Variants in MAN1A2 observed in about 807,000 individuals in gnomAD.
MAN1A2 encodes mannosidase alpha class 1A member 2.
In MAN1A2, 26 loss-of-function variants were observed where a neutral mutation model predicts 75.7. The ratio of observed to expected loss-of-function variants is 0.34; its 90% CI spans 0.25 to 0.48. MAN1A2 has a LOEUF of 0.48. Among genes scored for constraint, MAN1A2 ranks in the 20% least tolerant of loss-of-function variants. MAN1A2 has a pLI of 0.99. For missense variants in MAN1A2, 562 were observed against 775.5 expected (o/e 0.72, Z 3.27); for synonymous variants, 247 against 264.6 (o/e 0.93, Z 0.65).
chr1:117,407,419 C>T (rs904877887), intron 3 of MAN1A2, among the ~76,000 whole-genome samples: 1 of 151,610 alleles, frequency 6.6e-6, no homozygotes, highest in African/African-American at 2.4e-5. Flanking sequence ...CAGTAAAAGT[C>T]TAAGAGAAGC....
intron 1 of MAN1A2, among the ~76,000 whole-genome samples, chr1:117,370,497 A>G (rs1409454439): frequency 6.6e-6 from 1 of 152,172 alleles, no homozygotes; most frequent in Non-Finnish European, 1.5e-5. Flanking sequence ...GTTGTTTACT[A>G]TATCAGAAAA....
chr1:117,440,459 A>C (rs1181471053), intron 5 of MAN1A2, among the ~76,000 whole-genome samples: 1 of 152,172 alleles, frequency 6.6e-6, no homozygotes, highest in Non-Finnish European at 1.5e-5. Flanking sequence ...ACTAATTTGC[A>C]GTTGCCTACC....
At chr1:117,371,849 G>A (rs1201372922) in intron 1 of MAN1A2, among the ~76,000 whole-genome samples, 1 of 151,330 alleles carries the variant, frequency 6.6e-6, no homozygotes, top group Non-Finnish European at 1.5e-5. Flanking sequence ...TAGAGGTTAT[G>A]GCAACATCCA....
At chr1:117,368,582 A>G in intron 1 of MAN1A2, 97 bp downstream of exon 1, 4 of 1,160,772 alleles carry the variant, frequency 3.4e-6, no homozygotes, top group Non-Finnish European at 3.7e-6. Flanking sequence ...AGTAAAATGT[A>G]ATTTTTCGAG....
intron 8 of MAN1A2, among the ~76,000 whole-genome samples, chr1:117,490,312 G>T (rs983514332): frequency 2.6e-5 from 4 of 151,768 alleles, no homozygotes; most frequent in Non-Finnish European, 2.9e-5. Flanking sequence ...TCACATTTTG[G>T]TAATTCTTGC....
chr1:117,518,842 A>T (rs916823181), intron 12 of MAN1A2, among the ~76,000 whole-genome samples: 2 of 152,130 alleles, frequency 1.3e-5, no homozygotes, highest in African/African-American at 4.8e-5. Context: ...TGGACTTAAC[A>T]GATATATGCA....
chr1:117,414,759 T>A lies in MAN1A2; in HGVS notation c.702T>A (p.Leu234=). The A allele has an allele frequency of 6.2e-7, 1 of 1,610,776 alleles. No homozygotes were observed. Among genetic ancestry groups the A allele is most frequent in the Non-Finnish European group, 8.5e-7 (1 of 1,177,608 alleles). ...GATIVDALDT[L]YIMGLHDEFL... Reference sequence around the variant, plus strand: ...CCATAGTAGATGCTTTGGATACCCTTTATATCATGGGACTTCATGATGAAT... The same window carrying A: ...CCATAGTAGATGCTTTGGATACCCTATATATCATGGGACTTCATGATGAAT... Residue 234 remains leucine, a synonymous_variant, in exon 4 of 13, where the codon CTT becomes CTA. Coordinates refer to ENST00000356554, the MANE Select transcript of MAN1A2 (RefSeq NM_006699.5).
rs745821357 is a variant in MAN1A2, at chr1:117,368,389, G to T, written c.206G>T (p.Gly69Val). ...TCAAAACACAAACGCTTTGATTTGG[G>T]TTTAGAAGATGTGTTAATTCCACAT... ...DSSKHKRFDL[G>V]LEDVLIPHVD... The change falls in exon 1 of 13, where the codon GGT becomes GTT. Residue 69 changes from glycine to valine, a missense_variant. Physicochemically the swap from Gly to Val is moderately radical, Grantham distance 109. Coordinates refer to ENST00000356554, the MANE Select transcript of MAN1A2 (RefSeq NM_006699.5). 1 of 1,614,100 alleles carries T rather than the reference G, an allele frequency of 6.2e-7. No individual in the cohort carries two copies. The highest frequency in any genetic ancestry group is 1.7e-5 in the Admixed American group (1 of 60,026).
At chr1:117,420,486 GA>G in intron 4 of MAN1A2, 82 bp from the exon 5 acceptor site, 2 of 996,136 alleles carry the variant, frequency 2.0e-6, no homozygotes, top group Admixed American at 4.1e-5. Context: ...GGGTGTTTGT[GA>G]AAAACAAATG....
intron 6 of MAN1A2, among the ~76,000 whole-genome samples, chr1:117,457,245 C>T (rs761931132): frequency 2.0e-5 from 3 of 152,054 alleles, no homozygotes; most frequent in South Asian, 2.1e-4. Flanking sequence ...GAGAAACATA[C>T]GTTTTGCTTG....
At chr1:117,489,119 A>T (rs1219376808) in intron 8 of MAN1A2, among the ~76,000 whole-genome samples, 1 of 152,108 alleles carries the variant, frequency 6.6e-6, no homozygotes, top group Non-Finnish European at 1.5e-5. Context: ...GCAGTCCTCC[A>T]TAGTACGTTT....
Position 117,525,128 on chromosome 1 carries a change from A to G in MAN1A2, c.*2171A>G, listed in dbSNP as rs770284140. 3.8e-6 allele frequency: 2 copies of G among 529,254 alleles called. No individual in the cohort carries two copies. The highest frequency in any genetic ancestry group is 7.7e-6 in the Non-Finnish European group (2 of 258,308). The allele number at this position is 529,254 out of a possible 1,614,324, so 32.8% of individuals were successfully genotyped here. On this transcript the variant is annotated 3_prime_UTR_variant, in exon 13 of 13. Coordinates refer to ENST00000356554, the MANE Select transcript of MAN1A2 (RefSeq NM_006699.5). ...ATGAGGAGACAGAACCCCTACTTCC[A>G]AGTGCTCTATTTGTATTACCCAGAT...
At chr1:117,414,619 C>T in intron 3 of MAN1A2, 94 bp from the exon 4 acceptor site, 1 of 656,728 alleles carries the variant, frequency 1.5e-6, no homozygotes, top group South Asian at 1.9e-5. Context: ...AATTAAAATA[C>T]ACTGAATGTG....
intron 1 of MAN1A2, among the ~76,000 whole-genome samples, chr1:117,397,211 G>A (rs1322219698): frequency 6.6e-6 from 1 of 152,022 alleles, no homozygotes; most frequent in African/African-American, 2.4e-5. Context: ...AATAGTGCTT[G>A]TTGAGGAACA....
At chr1:117,447,963 G>C (rs1223166843) in intron 6 of MAN1A2, among the ~76,000 whole-genome samples, 2 of 152,126 alleles carry the variant, frequency 1.3e-5, no homozygotes, top group African/African-American at 4.8e-5. Context: ...TGTGAAGAAT[G>C]TCAGTGATTT....
At chr1:117,382,266 G>A (rs1308080357) in intron 1 of MAN1A2, among the ~76,000 whole-genome samples, 1 of 152,214 alleles carries the variant, frequency 6.6e-6, no homozygotes, top group Non-Finnish European at 1.5e-5. Flanking sequence ...CCATGCCTAT[G>A]TCCTGAATGT....
chr1:117,460,373 A>G (rs1172164966), intron 6 of MAN1A2, 116 bp from the exon 7 acceptor site: 5 of 595,228 alleles, frequency 8.4e-6, no homozygotes, highest in Non-Finnish European at 1.4e-5. Context: ...TAAATAAGCT[A>G]TCGTGTCAGA....
At chr1:117,466,153 T>C (rs1233709305) in intron 7 of MAN1A2, among the ~76,000 whole-genome samples, 181 bp from the exon 8 acceptor site, 2 of 152,078 alleles carry the variant, frequency 1.3e-5, no homozygotes, top group African/African-American at 4.8e-5. Flanking sequence ...TATCATCTTA[T>C]AAAAATGAGT....
intron 12 of MAN1A2, 32 bp downstream of exon 12, chr1:117,503,002 A>G (rs781333284): frequency 2.7e-5 from 32 of 1,193,994 alleles, no homozygotes; most frequent in Non-Finnish European, 3.6e-5. Context: ...ATATTTTTAT[A>G]CTAGACTGGT....
Sources: gnomAD v4.1 joint callset for allele counts (sites outside exome capture counted in the v4.1 genomes callset) on GRCh38, gnomAD v4.1.1 for gene constraint, MANE v1.5 for transcripts, NCBI Gene and HGNC (gene_info 2026-07-23, HGNC 2026-07-21) for gene names.